HOXC4: variants seen among roughly 807,000 people sequenced by gnomAD.
HOXC4 encodes the protein homeobox C4, also known as homeobox protein Hox-C4.
Under a neutral mutation model 25.5 loss-of-function variants are expected in HOXC4, and 15 were observed. The observed-to-expected ratio is 0.59, with a 90% CI of 0.39 to 0.91. The LOEUF is 0.91. Ranked by LOEUF, HOXC4 falls within the 40% of genes least tolerant of loss-of-function variation. The pLI is 0.00. For synonymous variants in HOXC4, 165 were observed against 148.0 expected, an observed-to-expected ratio of 1.11 and a Z score of -0.83; for missense variants, 342 against 352.4, an observed-to-expected ratio of 0.97 and a Z score of 0.24.
Position 54,054,219 on chromosome 12 carries a change from GCCGGCGCCTCTCTC to G in HOXC4, c.298_311del (p.Pro100ArgfsTer41). 6.2e-7 allele frequency: 1 copy of G among 1,612,162 alleles called. No individual in the cohort carries two copies. Among genetic ancestry groups the G allele is most frequent in the Non-Finnish European group, 8.5e-7 (1 of 1,179,148 alleles). On this transcript the variant is annotated frameshift_variant, in exon 1 of 2. Transcript: ENST00000430889. LOFTEE classifies it high-confidence loss of function. ...CCGAGAAATCACAGTCGCTCTGCGA[GCCGGCGCCTCTCTC>G]AGGCGCCTCCGCCTCCCCGTCCCCA...
chr12:54,050,270 A>G (rs1937814629), upstream of HOXC4, among the ~76,000 whole-genome samples: 1 of 152,224 alleles, frequency 6.6e-6, no homozygotes, highest in East Asian at 1.9e-4. Flanking sequence ...CAGCGATGTC[A>G]GAAGGGAAGC....
chr12:54,034,271 G>A (rs1316661860), intron 1 of HOXC4: 2 of 1,612,360 alleles, frequency 1.2e-6, no homozygotes, highest in Non-Finnish European at 1.7e-6. Flanking sequence ...TGGGGTTTAT[G>A]TTCCAGAGAC....
At chr12:54,031,857 C>T (rs138102504) in intron 1 of HOXC4, among the ~76,000 whole-genome samples, 1,673 of 152,286 alleles carry the variant, frequency 0.011, 32 homozygotes, top group African/African-American at 0.038. Context: ...AGGCGCCTGC[C>T]CTGCCCACCC....
intron 1 of HOXC4, chr12:54,034,050 G>GC: frequency 1.4e-6 from 1 of 701,582 alleles, no homozygotes; most frequent in East Asian, 2.8e-5. Context: ...CCCCCCCTCA[G>GC]CCCCTCCGGC....
At chr12:54,034,140 TG>T in intron 1 of HOXC4, 2 of 851,596 alleles carry the variant, frequency 2.3e-6, no homozygotes, top group Non-Finnish European at 4.0e-6. Flanking sequence ...CTGGCCCGCC[TG>T]CGGCCCGCGT....
At position 54,055,238 on chromosome 12, in the gene HOXC4, C is replaced by G. The variant is rs1937949814; in HGVS notation, c.*33C>G. Reference sequence around the variant, plus strand: ...CTCACACCCCTGCCCCCACCCCATGCCCCCACCCTCCCCTCACACACAAAT... The same window carrying G: ...CTCACACCCCTGCCCCCACCCCATGGCCCCACCCTCCCCTCACACACAAAT... On this transcript the variant is annotated 3_prime_UTR_variant, in exon 2 of 2. Transcript: ENST00000430889. 2 of 1,030,724 alleles carry G rather than the reference C, an allele frequency of 1.9e-6. No individual in the cohort carries two copies. The highest frequency in any genetic ancestry group is 1.9e-5 in the African/African-American group (1 of 53,486). 63.8% of individuals were successfully genotyped at this position (1,030,724 alleles called of 1,614,324 possible). A position where few individuals can be genotyped will look rare whatever the true frequency, so the allele number is the denominator to read the frequency against.
Position 54,054,885 on chromosome 12 carries a change from T to A in HOXC4, c.475T>A (p.Ser159Thr). Residue 159 changes from serine (S) to threonine (T), a missense_variant, in exon 2 of 2, where the codon TCG becomes ACG. Coordinates refer to ENST00000430889, the MANE Select transcript of HOXC4 (RefSeq NM_153633.3). Reference protein sequence around the residue: ...PNYNGGEPKRSRTAYTRQQVL... With the variant: ...PNYNGGEPKRTRTAYTRQQVL... ...TTATAACGGAGGGGAACCCAAGCGCTCGAGGACAGCCTATACCCGGCAGCA... is the reference window on the plus strand; with the variant it reads ...TTATAACGGAGGGGAACCCAAGCGCACGAGGACAGCCTATACCCGGCAGCA... 1 of 1,612,310 alleles carries A rather than the reference T, an allele frequency of 6.2e-7. No individual in the cohort carries two copies. Among genetic ancestry groups the A allele is most frequent in the Non-Finnish European group, 8.5e-7 (1 of 1,178,664 alleles).
chr12:54,037,996 T>C (rs1304700191), intron 1 of HOXC4: 1 of 152,164 alleles, frequency 6.6e-6, no homozygotes, highest in Non-Finnish European at 1.5e-5. Flanking sequence ...TCTTCGCAAA[T>C]GAATCCCAGG....
At chr12:54,029,500 T>G in intron 1 of HOXC4, 1 of 434,818 alleles carries the variant, frequency 2.3e-6, no homozygotes, top group Non-Finnish European at 3.8e-6. Flanking sequence ...GTACCCCCAG[T>G]GGGGGTGGGG....
At chr12:54,027,043 G>C (rs1390488941) in intron 1 of HOXC4, among the ~76,000 whole-genome samples, 3 of 151,224 alleles carry the variant, frequency 2.0e-5, no homozygotes, top group African/African-American at 4.9e-5. Context: ...GGCATTTTCA[G>C]CCTATATCAC....
upstream of HOXC4, chr12:54,053,812 C>T (rs1338957138): frequency 1.3e-6 from 1 of 789,528 alleles, no homozygotes; most frequent in Non-Finnish European, 2.1e-6. Context: ...TGTGATTGGC[C>T]GGAGGAGTCA....
upstream of HOXC4, among the ~76,000 whole-genome samples, chr12:54,052,226 C>T (rs932770829): frequency 6.6e-6 from 1 of 152,286 alleles, no homozygotes; most frequent in South Asian, 2.1e-4. Flanking sequence ...GCCAGCCCTG[C>T]GCCGCCGCCG....
At chr12:54,026,205 C>T (rs997305380) in intron 1 of HOXC4, among the ~76,000 whole-genome samples, 11 of 152,284 alleles carry the variant, frequency 7.2e-5, no homozygotes, top group Admixed American at 7.2e-4. Context: ...AGGCTGGGAA[C>T]TCTGAGAGAG....
At position 54,054,093 on chromosome 12, in the gene HOXC4, T is replaced by A; in HGVS notation, c.171T>A (p.Pro57=). The change falls in exon 1 of 2, where the codon CCT becomes CCA. Residue 57 remains proline (P), a synonymous_variant. Coordinates refer to ENST00000430889, the MANE Select transcript of HOXC4 (RefSeq NM_153633.3). ...ACCAGGAGCTGTACCCACCACCGCC[T>A]CCGCGCCCTAGCTACCCTGAGCGCC... The part of the protein sequence containing the change: ...HHHQELYPPP[P]PRPSYPERQY... 1 of 1,613,488 alleles carries A rather than the reference T, an allele frequency of 6.2e-7. No individual in the cohort carries two copies. Among genetic ancestry groups the A allele is most frequent in the Non-Finnish European group, 8.5e-7 (1 of 1,179,892 alleles).
rs369424089 is a variant in HOXC4, at chr12:54,033,042, C to CA, written c.-124+15634dup. 907 of 1,205,884 alleles carry CA rather than the reference C, an allele frequency of 7.5e-4. 5 individuals carry two copies. In the African/African-American group the frequency reaches 0.012, roughly 16 times the overall value. 74.7% of individuals were successfully genotyped at this position (1,205,884 alleles called of 1,614,324 possible). A position where few individuals can be genotyped will look rare whatever the true frequency, so the allele number is the denominator to read the frequency against. On this transcript the variant is annotated intron_variant, in intron 1 of 3. Transcript: ENST00000303406. ...CCTATAAATTGTCCACTTTGGAGAA[C>CA]AAAAAACCCCTCAACTTCAAAGAGT...
At chr12:54,033,222 C>T (rs1941055490) in intron 1 of HOXC4, 1 of 1,614,188 alleles carries the variant, frequency 6.2e-7, no homozygotes. Context: ...CTCAGAGGTG[C>T]AGGCATCCAG....
chr12:54,028,465 CT>C (rs1940829695), intron 1 of HOXC4: 1 of 1,554,734 alleles, frequency 6.4e-7, no homozygotes, highest in Admixed American at 1.8e-5. Flanking sequence ...CGAGTACAAA[CT>C]GGAGACAGAA....
chr12:54,049,793 CACACACG>C (rs1937803608), upstream of HOXC4, among the ~76,000 whole-genome samples: 1 of 128,008 alleles, frequency 7.8e-6, no homozygotes, highest in East Asian at 2.8e-4. Flanking sequence ...CACACACACA[CACACACG>C]AAAAAAATGG....
At chr12:54,050,334 G>A (rs1223990670), upstream of HOXC4, among the ~76,000 whole-genome samples, 1 of 152,196 alleles carries the variant, frequency 6.6e-6, no homozygotes, top group Non-Finnish European at 1.5e-5. Context: ...ATTTAGAAAG[G>A]AGATGGGGTG....
Sources: gnomAD v4.1 joint callset for allele counts (sites outside exome capture counted in the v4.1 genomes callset) on GRCh38, gnomAD v4.1.1 for gene constraint, MANE v1.5 for transcripts, NCBI Gene and HGNC (gene_info 2026-07-23, HGNC 2026-07-21) for gene names.